The following STPG2 variants were observed in gnomAD, a reference collection of about 807,000 sequenced individuals.
The protein encoded by STPG2 is sperm-tail PG-rich repeat-containing protein 2.
In STPG2, 56 loss-of-function variants were observed where a neutral mutation model predicts 54.2. The observed-to-expected ratio is 1.03, with a 90% confidence interval of 0.83 to 1.29. The LOEUF is 1.29. Among genes scored for constraint, STPG2 ranks in the 50% most tolerant of loss-of-function variants. The pLI, the probability that STPG2 is intolerant of heterozygous loss-of-function variation, is 0.00. For missense variants in STPG2, 596 were observed against 544.9 expected (o/e 1.09, Z -0.93); for synonymous variants, 200 against 181.8 (o/e 1.10, Z -0.81).
chr4:98,050,307 A>G (rs949677605), intron 5 of STPG2, among the ~76,000 whole-genome samples: 68 of 152,358 alleles, frequency 4.5e-4, no homozygotes, highest in African/African-American at 1.6e-3. Context: ...AAAATAATTG[A>G]AGAAGGAAAG....
At chr4:97,786,773 A>C (rs1293247784) in intron 9 of STPG2, among the ~76,000 whole-genome samples, 1 of 152,078 alleles carries the variant, frequency 6.6e-6, no homozygotes, top group Admixed American at 6.6e-5. Context: ...CAATGCATTC[A>C]TGCTACACAG....
At chr4:97,644,214 A>G (rs922642481) in intron 10 of STPG2, among the ~76,000 whole-genome samples, 27 of 151,984 alleles carry the variant, frequency 1.8e-4, no homozygotes, top group Non-Finnish European at 3.4e-4. Flanking sequence ...GAAGTACCTG[A>G]GTGACATATT....
chr4:97,984,165 T>C (rs1250588980), intron 5 of STPG2, among the ~76,000 whole-genome samples: 1 of 152,322 alleles, frequency 6.6e-6, no homozygotes, highest in South Asian at 2.1e-4. Context: ...TCTTCTTTTT[T>C]TCTTTTTTTC....
chr4:97,842,739 C>A (rs1728838723), intron 8 of STPG2, among the ~76,000 whole-genome samples: 1 of 151,888 alleles, frequency 6.6e-6, no homozygotes, highest in Non-Finnish European at 1.5e-5. Context: ...GTTTGTCAAA[C>A]TAGTTCCTTA....
intron 8 of STPG2, 59 bp from the exon 9 acceptor site, chr4:97,840,991 G>T (rs1438235839): frequency 1.3e-6 from 2 of 1,521,396 alleles, no homozygotes; most frequent in African/African-American, 1.4e-5. Flanking sequence ...TATCCAAGAA[G>T]ATACCAGATG....
chr4:97,739,254 G>C (rs1343945417), intron 9 of STPG2, among the ~76,000 whole-genome samples: 2 of 152,088 alleles, frequency 1.3e-5, no homozygotes, highest in Non-Finnish European at 2.9e-5. Flanking sequence ...GCCTACAGGA[G>C]AAAGCAGGAA....
At chr4:97,908,533 A>T (rs1731542007) in intron 8 of STPG2, among the ~76,000 whole-genome samples, 1 of 152,186 alleles carries the variant, frequency 6.6e-6, no homozygotes, top group East Asian at 1.9e-4. Context: ...CCAAAGGATT[A>T]TAAATCATGC....
At chr4:97,775,341 G>A (rs1466352269) in intron 9 of STPG2, among the ~76,000 whole-genome samples, 3 of 152,104 alleles carry the variant, frequency 2.0e-5, no homozygotes, top group Non-Finnish European at 4.4e-5. Context: ...TGCCATGTTG[G>A]TGTGCTGCAC....
intron 8 of STPG2, among the ~76,000 whole-genome samples, chr4:97,892,399 A>T (rs964465614): frequency 2.6e-5 from 4 of 152,160 alleles, no homozygotes; most frequent in Non-Finnish European, 5.9e-5. Flanking sequence ...CCTACAGAAT[A>T]ACAGTCTATT....
rs1732854434 is a variant in STPG2 at position 97,938,686 on chromosome 4, CT to C, written c.1044+5210del. The stretch of plus-strand genomic sequence containing the variant: ...GCTGGATGGCACGCTCACTCACTGC[CT>C]CCCTTGGCTGGTGCTGGAGGTGCCC... On this transcript the variant is annotated intron_variant, in intron 8 of 10. Transcript: ENST00000295268. Among the ~76,000 whole-genome samples the C allele has an allele frequency of 1.3e-5, 2 of 152,190 alleles. 1 individual carries two copies. The highest frequency in any genetic ancestry group is 4.1e-4 in the South Asian group (2 of 4,826).
At chr4:97,945,235 A>G (rs1471045639) in intron 7 of STPG2, among the ~76,000 whole-genome samples, 4 of 151,936 alleles carry the variant, frequency 2.6e-5, no homozygotes, top group African/African-American at 7.3e-5. Context: ...CTAAGTCTCC[A>G]AAGTCCATTA....
intron 8 of STPG2, among the ~76,000 whole-genome samples, chr4:97,879,812 A>C (rs779252955): frequency 6.6e-6 from 1 of 152,222 alleles, no homozygotes; most frequent in African/African-American, 2.4e-5. Flanking sequence ...AAATGATATC[A>C]AGGTGAGGAA....
intron 9 of STPG2, among the ~76,000 whole-genome samples, chr4:97,792,935 T>C (rs982965304): frequency 2.0e-5 from 3 of 152,088 alleles, no homozygotes; most frequent in Admixed American, 1.3e-4. Flanking sequence ...GCAGATTGCA[T>C]GAGGTCAGGA....
At chr4:97,944,564 G>C (rs1403949257) in intron 7 of STPG2, among the ~76,000 whole-genome samples, 2 of 151,836 alleles carry the variant, frequency 1.3e-5, no homozygotes, top group African/African-American at 4.8e-5. Flanking sequence ...TTTCTATTTT[G>C]TCATACAATT....
intron 4 of STPG2, among the ~76,000 whole-genome samples, chr4:97,528,993 G>C (rs544572845): frequency 1.3e-5 from 2 of 152,100 alleles, no homozygotes; most frequent in African/African-American, 4.8e-5. Context: ...TTGCCTGACT[G>C]CCCTGGCCAG....
At chr4:97,664,901 G>C (rs570464508) in intron 10 of STPG2, among the ~76,000 whole-genome samples, 2 of 151,920 alleles carry the variant, frequency 1.3e-5, no homozygotes, top group African/African-American at 4.8e-5. Flanking sequence ...GAGTGGCGAG[G>C]GGTGTGTGAG....
chr4:97,519,310 G>C (rs1731135795), intron 4 of STPG2, among the ~76,000 whole-genome samples: 1 of 152,026 alleles, frequency 6.6e-6, no homozygotes, highest in African/African-American at 2.4e-5. Context: ...TGAGGATCCA[G>C]AGTGGAGGAC....
intron 5 of STPG2, chr4:98,025,937 T>C: frequency 6.9e-7 from 1 of 1,449,538 alleles, no homozygotes; most frequent in Non-Finnish European, 9.6e-7. Context: ...TGGTTATGAT[T>C]CTGAAAGCAA....
intron 9 of STPG2, among the ~76,000 whole-genome samples, chr4:97,773,095 C>T (rs986325602): frequency 6.6e-6 from 1 of 152,080 alleles, no homozygotes; most frequent in African/African-American, 2.4e-5. Flanking sequence ...CGTCAACAAA[C>T]ATTTTTATAT....
Sources: allele counts gnomAD v4.1 joint callset (sites outside exome capture counted in the v4.1 genomes callset), GRCh38; gene constraint gnomAD v4.1.1; transcripts MANE v1.5; gene names NCBI Gene and HGNC (gene_info 2026-07-23, HGNC 2026-07-21).